Variants in TRPC4AP observed in about 807,000 individuals in gnomAD.
TRPC4AP encodes the protein transient receptor potential cation channel subfamily C member 4 associated protein, also known as short transient receptor potential channel 4-associated protein.
A neutral mutation model predicts 99.0 loss-of-function variants in TRPC4AP; 45 were observed. That is an observed-to-expected ratio of 0.45 (90% CI 0.36 to 0.58). TRPC4AP has a LOEUF of 0.58. Ranked by LOEUF, TRPC4AP falls within the 20% of genes least tolerant of loss-of-function variation. The pLI, the probability that TRPC4AP is intolerant of heterozygous loss-of-function variation, is 0.00. For synonymous variants in TRPC4AP, 408 were observed against 385.8 expected (o/e 1.06, Z -0.67); for missense variants, 879 against 985.3 (o/e 0.89, Z 1.44).
At chr20:35,071,744 T>C (rs2084322023) in intron 2 of TRPC4AP, among the ~76,000 whole-genome samples, 1 of 152,228 alleles carries the variant, frequency 6.6e-6, no homozygotes, top group South Asian at 2.1e-4. Context: ...GCAATAAATA[T>C]ACACGTGCAT....
chr20:35,019,195 C>T (rs1016703217), intron 9 of TRPC4AP, among the ~76,000 whole-genome samples: 1 of 152,160 alleles, frequency 6.6e-6, no homozygotes, highest in Admixed American at 6.5e-5. Flanking sequence ...ATCTGGGAAT[C>T]CAGATCCTCA....
intron 9 of TRPC4AP, among the ~76,000 whole-genome samples, chr20:35,017,321 T>C (rs1289590366): frequency 1.3e-5 from 2 of 152,220 alleles, no homozygotes; most frequent in South Asian, 2.1e-4. Flanking sequence ...AAAATGTCTC[T>C]AGAAGGATAC....
intron 1 of TRPC4AP, among the ~76,000 whole-genome samples, chr20:35,086,428 CATATGTGTGTGTGTGT>C (rs1203046237): frequency 8.4e-6 from 1 of 118,918 alleles, no homozygotes; most frequent in Non-Finnish European, 1.7e-5. Context: ...AAATGAATGG[CATATGTGTGTGTGTGT>C]GTGTGTGTGT....
At chr20:35,078,342 G>T (rs1376040572) in intron 1 of TRPC4AP, among the ~76,000 whole-genome samples, 168 bp from the exon 2 acceptor site, 1 of 152,104 alleles carries the variant, frequency 6.6e-6, no homozygotes, top group East Asian at 1.9e-4. Flanking sequence ...CTCCCCAACA[G>T]CCTATTACTA....
chr20:35,036,827 T>G (rs2083330588), intron 7 of TRPC4AP, among the ~76,000 whole-genome samples: 1 of 152,068 alleles, frequency 6.6e-6, no homozygotes. Context: ...GCGCCTGTAG[T>G]CCCAGCTACT....
intron 1 of TRPC4AP, among the ~76,000 whole-genome samples, chr20:35,080,598 T>A (rs1482915640): frequency 2.0e-5 from 3 of 150,872 alleles, no homozygotes; most frequent in Non-Finnish European, 4.4e-5. Context: ...ATTGTCTGAT[T>A]CTATTAATTT....
intron 8 of TRPC4AP, among the ~76,000 whole-genome samples, chr20:35,031,821 CT>C (rs1384248857): frequency 1.3e-5 from 2 of 152,004 alleles, no homozygotes; most frequent in Non-Finnish European, 2.9e-5. Flanking sequence ...TTTGCTGAGT[CT>C]TTCTTCTGCC....
intron 11 of TRPC4AP, among the ~76,000 whole-genome samples, chr20:35,011,120 C>T (rs537101219): frequency 7.2e-4 from 109 of 152,176 alleles, no homozygotes; most frequent in Admixed American, 4.0e-3. Context: ...ATTAGCTGGG[C>T]GTGGTGGCAC....
At chr20:35,008,829 G>C in intron 12 of TRPC4AP, 82 bp from the exon 13 acceptor site, 1 of 1,306,350 alleles carries the variant, frequency 7.7e-7, no homozygotes, top group Non-Finnish European at 1.1e-6. Context: ...TGGCTTAGGC[G>C]GTGAAAAACC....
intron 11 of TRPC4AP, among the ~76,000 whole-genome samples, chr20:35,010,995 T>TCACGTCTGTAATCCCAG (rs2082622883): frequency 2.0e-5 from 3 of 152,308 alleles, no homozygotes; most frequent in Middle Eastern, 3.4e-3. Flanking sequence ...GCGCGGTGGT[T>TCACGTCTGTAATCCCAG]CACGTCTGTA....
intron 3 of TRPC4AP, among the ~76,000 whole-genome samples, chr20:35,059,710 TAAGAAG>T (rs60932055): frequency 0.19 from 27,963 of 148,516 alleles, 2,656 homozygotes; most frequent in Middle Eastern, 0.34. Context: ...GAAGAAGAAA[TAAGAAG>T]AAGAAGAAGA....
chr20:35,008,676 T>G lies in TRPC4AP; in HGVS notation c.1583A>C (p.Glu528Ala). The G allele has an allele frequency of 6.2e-7, 1 of 1,613,756 alleles. No individual in the cohort carries two copies. Among genetic ancestry groups the G allele is most frequent in the Non-Finnish European group, 8.5e-7 (1 of 1,179,868 alleles). ...LLQVMKKEPA[E>A]SSFRFWQARA... is the part of the protein sequence containing the mutation. ...TCCCCAGACTCACCTGAAAGACGAC[T>G]CTGCTGGCTCCTTCTTCATGACCTG... Residue 528 changes from glutamate to alanine, a missense_variant, in exon 13 of 19, where the codon GAG becomes GCG. This residue lies in a region of TRPC4AP where 52 missense variants were observed against 88.7 expected (regional missense o/e 0.59). Coordinates refer to ENST00000252015, the MANE Select transcript of TRPC4AP (RefSeq NM_015638.3).
At chr20:35,049,554 C>G (rs1012059852) in intron 6 of TRPC4AP, among the ~76,000 whole-genome samples, 1 of 152,146 alleles carries the variant, frequency 6.6e-6, no homozygotes, top group African/African-American at 2.4e-5. Flanking sequence ...AAAGAACTTG[C>G]CCCAACGGTG....
chr20:35,089,636 G>C (rs2084987173), intron 1 of TRPC4AP, among the ~76,000 whole-genome samples: 1 of 152,040 alleles, frequency 6.6e-6, no homozygotes, highest in South Asian at 2.1e-4. Flanking sequence ...GGATCATGAC[G>C]TCAGGAGTTG....
intron 6 of TRPC4AP, 86 bp from the exon 7 acceptor site, chr20:35,044,798 G>A (rs1211812782): frequency 3.2e-6 from 4 of 1,252,362 alleles, no homozygotes; most frequent in Admixed American, 1.8e-5. Context: ...CCTTACATAC[G>A]GGGCTTAGTG....
intron 9 of TRPC4AP, 117 bp from the exon 10 acceptor site, chr20:35,016,256 A>C: frequency 8.1e-7 from 1 of 1,232,690 alleles, no homozygotes. Flanking sequence ...ACTGTCAGTA[A>C]GGAGGGCCAG....
intron 1 of TRPC4AP, among the ~76,000 whole-genome samples, chr20:35,086,474 TG>T: frequency 7.5e-6 from 1 of 132,812 alleles, no homozygotes; most frequent in Non-Finnish European, 1.6e-5. Context: ...TGTGTGTGTG[TG>T]TATGTGTGTG....
intron 1 of TRPC4AP, among the ~76,000 whole-genome samples, chr20:35,091,559 C>T (rs1244959137): frequency 6.6e-6 from 1 of 152,116 alleles, no homozygotes. Flanking sequence ...TCTTGAGTAT[C>T]CTTCAAACTT....
chr20:35,024,186 A>AT (rs1036256746), intron 8 of TRPC4AP, among the ~76,000 whole-genome samples: 5 of 150,352 alleles, frequency 3.3e-5, no homozygotes, highest in African/African-American at 1.2e-4. Flanking sequence ...CAATTCACCC[A>AT]TTTAGTTAAC....
Sources: allele counts gnomAD v4.1 joint callset (sites outside exome capture counted in the v4.1 genomes callset), GRCh38; gene constraint gnomAD v4.1.1; regional missense constraint gnomAD v4.1.1; transcripts MANE v1.5; gene names NCBI Gene and HGNC (gene_info 2026-07-23, HGNC 2026-07-21).